Variants in CDH13 observed in about 807,000 individuals in gnomAD.
The protein encoded by CDH13 is cadherin-13.
A neutral mutation model predicts 63.8 loss-of-function variants in CDH13; 24 were observed. The ratio of observed to expected loss-of-function variants is 0.38; its 90% confidence interval spans 0.27 to 0.53. The LOEUF (loss-of-function observed/expected upper bound fraction) is 0.53, where lower values mean the gene tolerates loss of function less well. CDH13 is among the 20% of genes least tolerant of loss of function. CDH13 has a pLI of 0.85. For missense variants in CDH13, 1,049 were observed against 903.1 expected (o/e 1.16, Z -2.07); for synonymous variants, 503 against 355.3 (o/e 1.42, Z -4.67).
At chr16:83,734,696 A>G (rs1010110795) in intron 10 of CDH13, among the ~76,000 whole-genome samples, 1 of 149,290 alleles carries the variant, frequency 6.7e-6, no homozygotes, top group African/African-American at 2.5e-5. Flanking sequence ...ACTAACCTGC[A>G]CATTGTGCAC....
At chr16:82,783,222 G>A (rs1253355525) in intron 1 of CDH13, among the ~76,000 whole-genome samples, 1 of 152,184 alleles carries the variant, frequency 6.6e-6, no homozygotes, top group Non-Finnish European at 1.5e-5. Context: ...CCCCTTCAGG[G>A]CCAAAGACCG....
intron 2 of CDH13, chr16:82,990,369 C>G (rs1022028771): frequency 6.6e-6 from 1 of 152,202 alleles, no homozygotes; most frequent in Non-Finnish European, 1.5e-5. Context: ...GGTTCCCACT[C>G]ATCTTGGCCT....
intron 2 of CDH13, among the ~76,000 whole-genome samples, chr16:82,958,943 G>T (rs898184104): frequency 3.9e-5 from 6 of 152,194 alleles, no homozygotes; most frequent in Non-Finnish European, 8.8e-5. Flanking sequence ...AGGTTTTCCT[G>T]GTGCAGAAAG....
chr16:83,184,902 T>TGC (rs2038467798), intron 4 of CDH13, among the ~76,000 whole-genome samples: 1 of 148,918 alleles, frequency 6.7e-6, no homozygotes, highest in African/African-American at 2.6e-5. Context: ...TGTGTGTGTG[T>TGC]GTGTGCGTGT....
intron 1 of CDH13, among the ~76,000 whole-genome samples, chr16:82,759,373 C>G (rs1328109943): frequency 6.6e-6 from 1 of 152,086 alleles, no homozygotes; most frequent in Non-Finnish European, 1.5e-5. Flanking sequence ...ATACTACACC[C>G]ATTTTAGGGA....
intron 7 of CDH13, among the ~76,000 whole-genome samples, chr16:83,495,475 G>A (rs554317153): frequency 1.3e-5 from 2 of 152,226 alleles, no homozygotes; most frequent in South Asian, 4.1e-4. Context: ...GATGGTAAAT[G>A]TTTCTTGTCA....
At chr16:83,336,650 G>C (rs960305182) in intron 5 of CDH13, among the ~76,000 whole-genome samples, 3 of 152,124 alleles carry the variant, frequency 2.0e-5, no homozygotes, top group African/African-American at 4.8e-5. Flanking sequence ...TCTCAAAAAA[G>C]CTCTGTGTGT....
chr16:83,177,323 G>A (rs2038168564), intron 4 of CDH13, among the ~76,000 whole-genome samples: 1 of 152,156 alleles, frequency 6.6e-6, no homozygotes, highest in Admixed American at 6.5e-5. Flanking sequence ...TTCAAAGGTA[G>A]GGACTAATCA....
At chr16:83,530,690 C>T (rs115885929) in intron 7 of CDH13, among the ~76,000 whole-genome samples, 1,719 of 152,294 alleles carry the variant, frequency 0.011, 37 homozygotes, top group African/African-American at 0.039. Flanking sequence ...TCATTAACTT[C>T]CTTATTTTGT....
intron 3 of CDH13, among the ~76,000 whole-genome samples, chr16:83,120,432 A>C (rs1280167399): frequency 6.6e-6 from 1 of 152,152 alleles, no homozygotes; most frequent in African/African-American, 2.4e-5. Context: ...ACTCTATGCA[A>C]GGTTCATTAT....
chr16:83,101,103 C>G (rs976778272), intron 3 of CDH13, among the ~76,000 whole-genome samples: 3 of 151,890 alleles, frequency 2.0e-5, no homozygotes, highest in Non-Finnish European at 4.4e-5. Flanking sequence ...CACAGGGGTA[C>G]AGCTGTGGAA....
intron 1 of CDH13, among the ~76,000 whole-genome samples, chr16:82,655,499 G>T (rs568386946): frequency 7.9e-5 from 12 of 152,236 alleles, no homozygotes; most frequent in South Asian, 6.2e-4. Flanking sequence ...CCGCAGTGTC[G>T]GGTCCAAGAG....
chr16:82,826,665 C>T (rs960835111), intron 1 of CDH13: 22 of 152,146 alleles, frequency 1.4e-4, no homozygotes, highest in African/African-American at 5.1e-4. Flanking sequence ...TTTTAAATTG[C>T]TTCGTACAAT....
At chr16:83,600,982 C>T (rs550527701) in intron 7 of CDH13, among the ~76,000 whole-genome samples, 1 of 152,170 alleles carries the variant, frequency 6.6e-6, no homozygotes, top group East Asian at 1.9e-4. Context: ...CCTCTAGCTC[C>T]CCCTGCCAAA....
At chr16:83,326,579 A>G (rs1490216247) in intron 5 of CDH13, among the ~76,000 whole-genome samples, 1 of 152,122 alleles carries the variant, frequency 6.6e-6, no homozygotes. Context: ...ATAAATTATC[A>G]GTGGGACTTA....
chr16:83,476,751 G>T (rs958097042), intron 6 of CDH13, among the ~76,000 whole-genome samples: 9 of 152,090 alleles, frequency 5.9e-5, no homozygotes, highest in Non-Finnish European at 2.9e-5. Context: ...AAGAGTTTAT[G>T]GAAAAATATA....
chr16:82,645,359 C>T (rs578142014), intron 1 of CDH13, among the ~76,000 whole-genome samples: 2 of 152,324 alleles, frequency 1.3e-5, no homozygotes, highest in South Asian at 2.1e-4. Context: ...ATCCTTCTGA[C>T]GTCTATCCGT....
At chr16:82,665,203 G>A (rs1912444014) in intron 1 of CDH13, among the ~76,000 whole-genome samples, 1 of 152,008 alleles carries the variant, frequency 6.6e-6, no homozygotes, top group African/African-American at 2.4e-5. Context: ...CTATTTCTTG[G>A]CAATTTTGCT....
intron 7 of CDH13, among the ~76,000 whole-genome samples, chr16:83,521,675 GCCAC>G (rs1382684105): frequency 6.6e-6 from 1 of 152,140 alleles, no homozygotes; most frequent in Non-Finnish European, 1.5e-5. Context: ...GTAGACACCA[GCCAC>G]CCCCGGAAAA....
Sources: allele counts gnomAD v4.1 joint callset (sites outside exome capture counted in the v4.1 genomes callset), GRCh38; gene constraint gnomAD v4.1.1; transcripts MANE v1.5; gene names NCBI Gene and HGNC (gene_info 2026-07-23, HGNC 2026-07-21).